Variants in CFTR observed in about 807,000 individuals in gnomAD.
CFTR encodes CF transmembrane conductance regulator.
A neutral mutation model predicts 171.6 loss-of-function variants in CFTR; 181 were observed. The ratio of observed to expected loss-of-function variants is 1.05; its 90% CI spans 0.93 to 1.19. The LOEUF is 1.19. CFTR is among the 50% of genes most tolerant of loss of function. CFTR has a pLI of 0.00. For missense variants in CFTR, 1,968 were observed against 1,734.7 expected (o/e 1.13, Z -2.39); for synonymous variants, 583 against 608.0 (o/e 0.96, Z 0.60).
chr7:117,615,733 G>T (rs918013449), intron 21 of CFTR, among the ~76,000 whole-genome samples: 10 of 151,744 alleles, frequency 6.6e-5, no homozygotes, highest in African/African-American at 1.9e-4. Context: ...ATTGCAGCGG[G>T]ACTGAGAAAT....
rs142760198 is a variant in CFTR, at chr7:117,619,399, C to T, written c.3468+4686C>T. On this transcript the variant is annotated intron_variant, in intron 21 of 26. Coordinates refer to ENST00000003084, the MANE Select transcript of CFTR (RefSeq NM_000492.4). ...AAGCCATCTAGCGATTGATAAATTA[C>T]TCACACTCATAATCACATTGTTGGA... Among the ~76,000 whole-genome samples the T allele has an allele frequency of 1.1e-4, 16 of 152,352 alleles. No individual in the cohort carries two copies. In the East Asian group the frequency reaches 2.9e-3, roughly 28 times the overall value.
chr7:117,572,430 T>C (rs1452306425), intron 11 of CFTR, among the ~76,000 whole-genome samples: 1 of 152,182 alleles, frequency 6.6e-6, no homozygotes, highest in Non-Finnish European at 1.5e-5. Flanking sequence ...AAACAATCTT[T>C]CCTAAAAAAA....
chr7:117,534,239 T>C (rs1798909454), intron 4 of CFTR, 37 bp from the exon 5 acceptor site: 2 of 953,764 alleles, frequency 2.1e-6, no homozygotes, highest in Non-Finnish European at 3.4e-6. Context: ...TTGTATTTTG[T>C]TTGTTGAAAT....
chr7:117,592,767 T>C (rs1297000479), intron 14 of CFTR, 110 bp downstream of exon 14: 1 of 940,368 alleles, frequency 1.1e-6, no homozygotes, highest in African/African-American at 1.7e-5. Context: ...GGATAAGGTG[T>C]ATCTTAAAAC....
intron 11 of CFTR, among the ~76,000 whole-genome samples, chr7:117,570,443 T>C (rs1410064845): frequency 6.6e-6 from 1 of 152,162 alleles, no homozygotes; most frequent in African/African-American, 2.4e-5. Flanking sequence ...GGAAGTGCTA[T>C]AGCCCAAACA....
intron 24 of CFTR, among the ~76,000 whole-genome samples, chr7:117,661,149 A>G (rs1471516069): frequency 6.6e-6 from 1 of 152,214 alleles, no homozygotes. Context: ...ATAGATACTT[A>G]ATAAATTTCT....
intron 9 of CFTR, among the ~76,000 whole-genome samples, chr7:117,547,595 A>G (rs1353833820): frequency 6.6e-6 from 1 of 152,170 alleles, no homozygotes; most frequent in Non-Finnish European, 1.5e-5. Flanking sequence ...CTCTAAGAAT[A>G]GATAGGACAT....
chr7:117,571,089 A>G (rs186093189), intron 11 of CFTR, among the ~76,000 whole-genome samples: 14 of 152,262 alleles, frequency 9.2e-5, no homozygotes, highest in Non-Finnish European at 1.8e-4. Context: ...CATAATATCA[A>G]ATTTAAACTA....
intron 1 of CFTR, among the ~76,000 whole-genome samples, chr7:117,497,402 GTAA>G (rs1798256768): frequency 6.6e-6 from 1 of 152,174 alleles, no homozygotes; most frequent in Non-Finnish European, 1.5e-5. Context: ...GAAGAAGCAT[GTAA>G]TAATGTACAG....
chr7:117,642,588 C>G lies in CFTR; in HGVS notation c.3868C>G (p.Pro1290Ala), dbSNP rs397508619. 1 of 1,613,250 alleles carries G rather than the reference C, an allele frequency of 6.2e-7. No homozygotes were observed. Among genetic ancestry groups the G allele is most frequent in the South Asian group, 1.1e-5 (1 of 91,062 alleles). The change falls in exon 23 of 27, where the codon CCA (proline) becomes GCA (alanine). Residue 1290 changes from proline to alanine, a missense_variant. Transcript: ENST00000003084. ...GTGGAGGAAAGCCTTTGGAGTGATA[C>G]CACAGGTGAGCAAAAGGACTTAGCC... is the stretch of plus-strand genomic sequence containing the variant. ...QQWRKAFGVI[P>A]QKVFIFSGTF...
chr7:117,582,218 G>T (rs1260383385), intron 11 of CFTR, among the ~76,000 whole-genome samples: 1 of 152,030 alleles, frequency 6.6e-6, no homozygotes, highest in African/African-American at 2.4e-5. Context: ...TTTGTTAGAG[G>T]AATTGAGTCA....
intron 24 of CFTR, among the ~76,000 whole-genome samples, chr7:117,661,360 A>G (rs144833422): frequency 6.6e-6 from 1 of 152,210 alleles, no homozygotes; most frequent in Non-Finnish European, 1.5e-5. Flanking sequence ...ACAGTTATAT[A>G]TAAATTTATG....
intron 21 of CFTR, among the ~76,000 whole-genome samples, chr7:117,625,580 G>A (rs1000317151): frequency 3.3e-5 from 5 of 152,124 alleles, no homozygotes; most frequent in East Asian, 1.9e-4. Context: ...GTTATATAGT[G>A]TCTTTCCTAT....
intron 23 of CFTR, among the ~76,000 whole-genome samples, chr7:117,650,125 G>T (rs1793067735): frequency 6.6e-6 from 1 of 150,956 alleles, no homozygotes; most frequent in African/African-American, 2.4e-5. Context: ...GAGTGTAGTG[G>T]AAAACCTTTG....
chr7:117,657,718 G>A (rs1456723847), intron 24 of CFTR, among the ~76,000 whole-genome samples: 1 of 152,174 alleles, frequency 6.6e-6, no homozygotes, highest in African/African-American at 2.4e-5. Context: ...GCCATGACTA[G>A]TATCTCTAGA....
intron 1 of CFTR, among the ~76,000 whole-genome samples, chr7:117,489,819 C>T (rs1798128148): frequency 6.6e-6 from 1 of 151,772 alleles, no homozygotes; most frequent in Non-Finnish European, 1.5e-5. Flanking sequence ...GTGTGATTTT[C>T]TTGGTTCCTG....
intron 21 of CFTR, among the ~76,000 whole-genome samples, chr7:117,618,129 G>A (rs1407173049): frequency 6.6e-6 from 1 of 151,852 alleles, no homozygotes; most frequent in Non-Finnish European, 1.5e-5. Flanking sequence ...CCCTTTTCCT[G>A]GCCCCTTCTC....
At chr7:117,594,623 A>T (rs1170330890) in intron 14 of CFTR, among the ~76,000 whole-genome samples, 1 of 152,228 alleles carries the variant, frequency 6.6e-6, no homozygotes, top group East Asian at 1.9e-4. Flanking sequence ...GATAAAAGGT[A>T]TGCCACTGTT....
At chr7:117,590,306 C>G in intron 12 of CFTR, 47 bp from the exon 13 acceptor site, 1 of 1,585,182 alleles carries the variant, frequency 6.3e-7, no homozygotes, top group Non-Finnish European at 8.6e-7. Flanking sequence ...CACTAGATGA[C>G]CAGGAAATAG....
Sources: gnomAD v4.1 joint callset for allele counts (sites outside exome capture counted in the v4.1 genomes callset) on GRCh38, gnomAD v4.1.1 for gene constraint, MANE v1.5 for transcripts, NCBI Gene and HGNC (gene_info 2026-07-23, HGNC 2026-07-21) for gene names.